The following AAMDC variants were observed in gnomAD, a reference collection of about 807,000 sequenced individuals.
The protein encoded by AAMDC is adipogenesis associated Mth938 domain containing.
AAMDC carries 16 observed loss-of-function variants against 15.5 expected under a neutral mutation model. That is an observed-to-expected ratio of 1.03 (90% CI 0.70 to 1.57). The LOEUF is 1.57. Ranked by LOEUF, AAMDC falls within the 40% of genes most tolerant of loss-of-function variation. The pLI is 0.00. For missense variants in AAMDC, 141 were observed against 144.9 expected, an observed-to-expected ratio of 0.97 and a Z score of 0.14; for synonymous variants, 51 against 51.6, an observed-to-expected ratio of 0.99 and a Z score of 0.05.
At chr11:77,841,114 G>T in intron 1 of AAMDC, 2 of 678,918 alleles carry the variant, frequency 2.9e-6, no homozygotes, top group South Asian at 1.5e-5. Flanking sequence ...CATGGTGGAA[G>T]CACCAAGAGA....
chr11:77,829,273 A>G (rs1445477699), intron 1 of AAMDC, among the ~76,000 whole-genome samples: 1 of 152,178 alleles, frequency 6.6e-6, no homozygotes, highest in Non-Finnish European at 1.5e-5. Context: ...CCCAAGGAGA[A>G]AGCCCTCACG....
intron 2 of AAMDC, chr11:77,866,496 T>C (rs1329743625): frequency 6.6e-6 from 1 of 152,206 alleles, no homozygotes; most frequent in Non-Finnish European, 1.5e-5. Flanking sequence ...TTATCTTTCA[T>C]TGCTTTGTAC....
rs140409215 is a variant in AAMDC at position 77,878,971 on chromosome 11, A to G, written c.328+1922A>G. ...GCCTTAGCGCCGTGCAGGTTTGGGC[A>G]TTATATAAACTTTTACAGGCTTGCT... On this transcript the variant is annotated intron_variant, in intron 5 of 5. Transcript: ENST00000304716. 1.9e-6 allele frequency: 3 copies of G among 1,613,954 alleles called. No individual in the cohort carries two copies. The African/African-American group carries it at 4.0e-5, about 22-fold the overall frequency.
intron 2 of AAMDC, among the ~76,000 whole-genome samples, chr11:77,844,604 C>T (rs1950067422): frequency 6.6e-6 from 1 of 152,106 alleles, no homozygotes; most frequent in Non-Finnish European, 1.5e-5. Context: ...CCAAGAAATC[C>T]TCCCACCTTG....
intron 1 of AAMDC, among the ~76,000 whole-genome samples, chr11:77,828,832 T>C (rs1949296157): frequency 6.6e-6 from 1 of 152,200 alleles, no homozygotes; most frequent in Admixed American, 6.5e-5. Context: ...TCACTCTCCA[T>C]CAAAATTCCA....
At chr11:77,902,051 A>C (rs528701962), downstream of AAMDC, among the ~76,000 whole-genome samples, 1 of 152,350 alleles carries the variant, frequency 6.6e-6, no homozygotes, top group Non-Finnish European at 1.5e-5. Context: ...CCCCAGATCA[A>C]GTCCCCGATC....
At chr11:77,843,591 A>G (rs192629651) in intron 2 of AAMDC, among the ~76,000 whole-genome samples, 1 of 152,256 alleles carries the variant, frequency 6.6e-6, no homozygotes, top group Admixed American at 6.5e-5. Flanking sequence ...ACAGATTCTT[A>G]CCTGTCTTAC....
intron 3 of AAMDC, among the ~76,000 whole-genome samples, chr11:77,870,263 T>A (rs1240823660): frequency 4.0e-5 from 6 of 150,836 alleles, no homozygotes; most frequent in African/African-American, 1.5e-4. Context: ...TCAAATGATC[T>A]CCCGCCTCGG....
chr11:77,844,608 C>T (rs1950067549), intron 2 of AAMDC, among the ~76,000 whole-genome samples: 1 of 152,126 alleles, frequency 6.6e-6, no homozygotes. Context: ...GAAATCCTCC[C>T]ACCTTGGCCT....
At chr11:77,837,401 G>A (rs1450380319) in intron 1 of AAMDC, among the ~76,000 whole-genome samples, 2 of 150,796 alleles carry the variant, frequency 1.3e-5, no homozygotes, top group African/African-American at 4.9e-5. Context: ...CTCCCAAAAT[G>A]CTGGCATCAC....
At chr11:77,836,636 T>A (rs534164419) in intron 1 of AAMDC, among the ~76,000 whole-genome samples, 9 of 152,366 alleles carry the variant, frequency 5.9e-5, no homozygotes, top group African/African-American at 2.2e-4. Context: ...TCTCTCCTTA[T>A]ATCACTTTTT....
chr11:77,894,271 A>C (rs1389338340), intron 5 of AAMDC: 1 of 1,340,270 alleles, frequency 7.5e-7, no homozygotes, highest in African/African-American at 1.5e-5. Context: ...ATAAGCCAGA[A>C]GAGTTATAAA....
chr11:77,855,860 G>A (rs1289778181), intron 2 of AAMDC, among the ~76,000 whole-genome samples: 1 of 151,936 alleles, frequency 6.6e-6, no homozygotes, highest in Non-Finnish European at 1.5e-5. Flanking sequence ...AGCACTTTGG[G>A]AGGCCAAGGT....
At chr11:77,838,139 A>C (rs1446136878) in intron 1 of AAMDC, among the ~76,000 whole-genome samples, 1 of 152,192 alleles carries the variant, frequency 6.6e-6, no homozygotes, top group African/African-American at 2.4e-5. Flanking sequence ...ATCAGAAGTA[A>C]GACTTTCTAA....
downstream of AAMDC, among the ~76,000 whole-genome samples, chr11:77,875,231 C>T (rs1310952043): frequency 1.3e-5 from 2 of 152,126 alleles, no homozygotes; most frequent in African/African-American, 2.4e-5. Flanking sequence ...TTTCCTTGCC[C>T]GGTTATGTGC....
chr11:77,872,311 G>A lies in AAMDC; in HGVS notation c.365G>A (p.Cys122Tyr), dbSNP rs1176418635. 2 of 1,611,748 alleles carry A rather than the reference G, an allele frequency of 1.2e-6. No individual in the cohort carries two copies. Among genetic ancestry groups the A allele is most frequent in the Non-Finnish European group, 1.7e-6 (2 of 1,179,050 alleles). The change falls in exon 4 of 4, where the codon TGC becomes TAC. Residue 122 changes from cysteine (C) to tyrosine (Y), a missense_variant. Physicochemically the swap from Cys to Tyr is radical, Grantham distance 194. Transcript: ENST00000393427. ...VRVGGVFHST[C>Y] ...GTGGGAGGTGTCTTCCATTCCACCT[G>A]CTGATGGAGCCTTAAGAGGAGAATA...
chr11:77,828,916 A>G (rs1565195722), intron 1 of AAMDC, among the ~76,000 whole-genome samples: 3 of 152,190 alleles, frequency 2.0e-5, no homozygotes, highest in Non-Finnish European at 2.9e-5. Flanking sequence ...AGAATATCCA[A>G]AACAGTTTTT....
At chr11:77,849,503 C>A (rs1009485969) in intron 2 of AAMDC, among the ~76,000 whole-genome samples, 1 of 152,144 alleles carries the variant, frequency 6.6e-6, no homozygotes, top group Non-Finnish European at 1.5e-5. Flanking sequence ...GGATTATTGG[C>A]GTGAGCCACT....
At chr11:77,847,409 TAGAA>T (rs1314124029) in intron 2 of AAMDC, among the ~76,000 whole-genome samples, 4 of 152,194 alleles carry the variant, frequency 2.6e-5, no homozygotes, top group African/African-American at 9.7e-5. Flanking sequence ...AGGCCCCACA[TAGAA>T]AGAGAGCCCT....
Sources: gnomAD v4.1 joint callset for allele counts (sites outside exome capture counted in the v4.1 genomes callset) on GRCh38, gnomAD v4.1.1 for gene constraint, MANE v1.5 for transcripts, NCBI Gene and HGNC (gene_info 2026-07-23, HGNC 2026-07-21) for gene names.